Variants in KCNH1 observed in about 807,000 individuals in gnomAD.
The protein encoded by KCNH1 is potassium voltage-gated channel subfamily H member 1, also known as voltage-gated delayed rectifier potassium channel KCNH1.
Under a neutral mutation model 69.2 loss-of-function variants are expected in KCNH1, and 27 were observed. That is an observed-to-expected ratio of 0.39 (90% CI 0.29 to 0.54). The LOEUF (loss-of-function observed/expected upper bound fraction) is 0.54, where lower values mean the gene tolerates loss of function less well. KCNH1 is among the 20% of genes least tolerant of loss of function. The probability of loss-of-function intolerance (pLI) is 0.68; values close to 1 mark genes in which losing one functional copy is unlikely to be tolerated. For synonymous variants in KCNH1, 456 were observed against 487.7 expected, an observed-to-expected ratio of 0.93 and a Z score of 0.86; for missense variants, 798 against 1,261.6, an observed-to-expected ratio of 0.63 and a Z score of 5.57.
intron 5 of KCNH1, among the ~76,000 whole-genome samples, chr1:211,035,957 A>G (rs941642395): frequency 6.6e-6 from 1 of 152,234 alleles, no homozygotes; most frequent in Admixed American, 6.5e-5. Flanking sequence ...AGGTGACAGC[A>G]TTGCTCTGAT....
At chr1:210,705,334 A>G (rs1681882576) in intron 10 of KCNH1, among the ~76,000 whole-genome samples, 1 of 152,212 alleles carries the variant, frequency 6.6e-6, no homozygotes. Context: ...TGCAGGCCTC[A>G]CAAGTCTCTC....
intron 8 of KCNH1, among the ~76,000 whole-genome samples, chr1:210,802,598 C>T (rs910247115): frequency 6.6e-6 from 1 of 152,154 alleles, no homozygotes; most frequent in African/African-American, 2.4e-5. Context: ...AGGAAGCCCA[C>T]TGTATGTTTT....
At chr1:210,784,987 T>C (rs1186837463) in intron 9 of KCNH1, among the ~76,000 whole-genome samples, 2 of 152,176 alleles carry the variant, frequency 1.3e-5, no homozygotes, top group Admixed American at 6.5e-5. Flanking sequence ...TTACCTATCA[T>C]GGATCAGGCA....
At chr1:210,965,034 G>A (rs113797875) in intron 6 of KCNH1, among the ~76,000 whole-genome samples, 12,044 of 152,166 alleles carry the variant, frequency 0.079, 671 homozygotes, top group South Asian at 0.18. Flanking sequence ...AAAGGCTTTC[G>A]ATAAAATTCA....
intron 10 of KCNH1, among the ~76,000 whole-genome samples, chr1:210,762,349 G>A (rs1683540170): frequency 1.3e-5 from 2 of 152,058 alleles, no homozygotes; most frequent in Admixed American, 1.3e-4. Flanking sequence ...TAAACCCAAA[G>A]CTAGCAGAAG....
At chr1:211,111,177 G>C (rs996284905) in intron 1 of KCNH1, among the ~76,000 whole-genome samples, 1 of 152,152 alleles carries the variant, frequency 6.6e-6, no homozygotes, top group Non-Finnish European at 1.5e-5. Flanking sequence ...ATCACTGCAA[G>C]TGCTCACAAA....
rs879940826 is a variant in KCNH1 at position 210,992,584 on chromosome 1, AT to A, written c.1032+26198del. On this transcript the variant is annotated intron_variant, in intron 6 of 10. Coordinates refer to ENST00000271751, the MANE Select transcript of KCNH1 (RefSeq NM_172362.3). The stretch of plus-strand genomic sequence containing the variant: ...GTTCTAGTGGCTGCTTTTTTAACAT[AT>A]TTTTTTGGATTGAGACATAAATAAG... Among the ~76,000 whole-genome samples, 914 of 152,058 alleles carry A rather than the reference AT, an allele frequency of 6.0e-3. 41 individuals are homozygous for A. Among genetic ancestry groups the A allele is most frequent in the Admixed American group, 0.056 (848 of 15,274 alleles).
intron 6 of KCNH1, among the ~76,000 whole-genome samples, chr1:210,937,309 T>C (rs1255597125): frequency 6.6e-6 from 1 of 152,236 alleles, no homozygotes; most frequent in Non-Finnish European, 1.5e-5. Context: ...CATGGCCACA[T>C]AGTGTCTCAA....
intron 7 of KCNH1, among the ~76,000 whole-genome samples, chr1:210,881,526 TATC>T (rs1686493722): frequency 6.6e-6 from 1 of 152,204 alleles, no homozygotes; most frequent in Non-Finnish European, 1.5e-5. Flanking sequence ...TTATGATTGG[TATC>T]ATACTACTTA....
chr1:211,112,856 C>A (rs558110481), intron 1 of KCNH1, among the ~76,000 whole-genome samples: 1 of 152,298 alleles, frequency 6.6e-6, no homozygotes, highest in Admixed American at 6.5e-5. Flanking sequence ...ATTCCTAGCA[C>A]GCACGTTCTC....
chr1:211,035,470 G>A (rs1018371748), intron 5 of KCNH1, among the ~76,000 whole-genome samples: 7 of 151,186 alleles, frequency 4.6e-5, no homozygotes, highest in South Asian at 2.1e-4. Flanking sequence ...GGATGGTCTC[G>A]ATCTCCTGAC....
chr1:211,085,074 G>A lies in KCNH1; in HGVS notation c.440-2176C>T, dbSNP rs533261167. On this transcript the variant is annotated intron_variant, in intron 4 of 10. Transcript: ENST00000271751. ...CTGGGGAGTCAAAGCAGGTTTCCTGGAGGAGATGGCACTAGAGCAAAGTTT... is the reference window on the plus strand; with the variant it reads ...CTGGGGAGTCAAAGCAGGTTTCCTGAAGGAGATGGCACTAGAGCAAAGTTT... Among the ~76,000 whole-genome samples, 38 of 152,296 alleles carry A rather than the reference G, an allele frequency of 2.5e-4. 2 individuals carry two copies. In the South Asian group the frequency reaches 7.9e-3, roughly 32 times the overall value.
At chr1:210,750,788 C>A (rs772448225) in intron 10 of KCNH1, among the ~76,000 whole-genome samples, 1 of 152,114 alleles carries the variant, frequency 6.6e-6, no homozygotes, top group Non-Finnish European at 1.5e-5. Context: ...ACATTTGTAT[C>A]TTACACTCTC....
chr1:211,043,265 A>G (rs1690033564), intron 5 of KCNH1, among the ~76,000 whole-genome samples: 1 of 152,184 alleles, frequency 6.6e-6, no homozygotes, highest in African/African-American at 2.4e-5. Context: ...GAAACGAAAC[A>G]GGAGATGTTA....
intron 9 of KCNH1, among the ~76,000 whole-genome samples, chr1:210,793,831 C>T (rs1684256115): frequency 6.6e-6 from 1 of 152,210 alleles, no homozygotes; most frequent in African/African-American, 2.4e-5. Flanking sequence ...AATAATTGCT[C>T]ATCCAATGAT....
intron 7 of KCNH1, among the ~76,000 whole-genome samples, chr1:210,828,672 C>A (rs892073906): frequency 6.6e-6 from 1 of 152,174 alleles, no homozygotes; most frequent in Non-Finnish European, 1.5e-5. Flanking sequence ...ATGTAGTAGG[C>A]ACTCAACAAA....
At chr1:210,983,755 G>T (rs1231903923) in intron 6 of KCNH1, among the ~76,000 whole-genome samples, 1 of 152,144 alleles carries the variant, frequency 6.6e-6, no homozygotes, top group African/African-American at 2.4e-5. Flanking sequence ...GGCGATGCGG[G>T]CTCTTTTTTG....
At chr1:210,801,236 A>C (rs1368878088) in intron 8 of KCNH1, among the ~76,000 whole-genome samples, 1 of 152,230 alleles carries the variant, frequency 6.6e-6, no homozygotes, top group African/African-American at 2.4e-5. Flanking sequence ...GCTCAAAGTC[A>C]CCAGCTAATA....
chr1:210,809,491 A>G (rs1684654346), intron 7 of KCNH1, among the ~76,000 whole-genome samples: 1 of 152,140 alleles, frequency 6.6e-6, no homozygotes, highest in Non-Finnish European at 1.5e-5. Flanking sequence ...TAAATAAGCT[A>G]TAGGAGGGAC....
Sources: allele counts gnomAD v4.1 joint callset (sites outside exome capture counted in the v4.1 genomes callset), GRCh38; gene constraint gnomAD v4.1.1; transcripts MANE v1.5; gene names NCBI Gene and HGNC (gene_info 2026-07-23, HGNC 2026-07-21).